BBS9: variants seen among roughly 807,000 people sequenced by gnomAD.
BBS9 encodes the protein protein PTHB1.
BBS9 carries 89 observed loss-of-function variants against 117.7 expected under a neutral mutation model. The ratio of observed to expected loss-of-function variants is 0.76; its 90% confidence interval spans 0.64 to 0.90. The LOEUF (loss-of-function observed/expected upper bound fraction) is 0.90. Ranked by LOEUF, BBS9 falls within the 40% of genes least tolerant of loss-of-function variation. The probability of loss-of-function intolerance (pLI) is 0.00; values close to 1 mark genes in which losing one functional copy is unlikely to be tolerated. For missense variants in BBS9, 982 were observed against 1,042.2 expected (o/e 0.94, Z 0.80); for synonymous variants, 379 against 370.9 (o/e 1.02, Z -0.25).
chr7:33,486,557 C>A (rs76943796), intron 19 of BBS9, among the ~76,000 whole-genome samples: 1 of 152,158 alleles, frequency 6.6e-6, no homozygotes, highest in Non-Finnish European at 1.5e-5. Context: ...CATATTTTTA[C>A]ATATTCAGAG....
chr7:33,177,610 TGA>T lies in BBS9; in HGVS notation c.442+21_442+22del. On this transcript the variant is annotated intron_variant, in intron 5 of 22. Coordinates refer to ENST00000242067, the MANE Select transcript of BBS9 (RefSeq NM_198428.3). ...GTAAAAGGTAATTTGCTTTTAATCA[TGA>T]GTATGCTATTTCAAGTGACAGATTT... 6.8e-7 allele frequency: 1 copy of T among 1,476,178 alleles called. No individual in the cohort carries two copies. The highest frequency in any genetic ancestry group is 9.5e-7 in the Non-Finnish European group (1 of 1,054,662). The allele number at this position is 1,476,178 out of a possible 1,614,324, so 91.4% of individuals were successfully genotyped here. A position where few individuals can be genotyped will look rare whatever the true frequency, so the allele number is the denominator to read the frequency against.
intron 5 of BBS9, among the ~76,000 whole-genome samples, chr7:33,221,210 C>T (rs1012064876): frequency 6.6e-6 from 1 of 152,040 alleles, no homozygotes; most frequent in African/African-American, 2.4e-5. Flanking sequence ...TTATGTAATG[C>T]TTTATTTTAG....
intron 17 of BBS9, among the ~76,000 whole-genome samples, chr7:33,381,976 A>G (rs1401871547): frequency 6.6e-6 from 1 of 152,216 alleles, no homozygotes; most frequent in Non-Finnish European, 1.5e-5. Flanking sequence ...CACAGTTACC[A>G]TGGGGAACAT....
At position 33,604,304 on chromosome 7, in the gene BBS9, T is replaced by C. The variant is rs1864257179; in HGVS notation, c.2522-561T>C. Among the ~76,000 whole-genome samples, 10 of 152,328 alleles carry C rather than the reference T, an allele frequency of 6.6e-5. No homozygotes were observed. In the South Asian group the frequency reaches 2.1e-3, roughly 32 times the overall value. ...TCCTCAAGTCACCTTTGGATTGAAA[T>C]CTTCCACAATGCAGTTCATGACTTT... On this transcript the variant is annotated intron_variant, in intron 21 of 22. Coordinates refer to ENST00000242067, the MANE Select transcript of BBS9 (RefSeq NM_198428.3).
At chr7:33,377,145 T>C (rs1824047488) in intron 17 of BBS9, among the ~76,000 whole-genome samples, 1 of 152,184 alleles carries the variant, frequency 6.6e-6, no homozygotes, top group East Asian at 1.9e-4. Context: ...AATGATATTT[T>C]CTAGGTTGTC....
intron 1 of BBS9, among the ~76,000 whole-genome samples, chr7:33,138,803 C>G (rs573723980): frequency 1.3e-5 from 2 of 150,540 alleles, no homozygotes; most frequent in Non-Finnish European, 2.9e-5. Context: ...TGCCCAGGCT[C>G]GTCTCAAACT....
intron 9 of BBS9, among the ~76,000 whole-genome samples, chr7:33,280,275 C>G (rs76580131): frequency 6.6e-6 from 1 of 152,088 alleles, no homozygotes; most frequent in Non-Finnish European, 1.5e-5. Flanking sequence ...TTCTGTCACC[C>G]GGGTAGTCAG....
intron 21 of BBS9, among the ~76,000 whole-genome samples, chr7:33,623,870 A>G (rs1261345889): frequency 6.6e-6 from 1 of 152,170 alleles, no homozygotes; most frequent in Admixed American, 6.5e-5. Flanking sequence ...AAATTTTTAA[A>G]TTGAGGTTAC....
chr7:33,516,995 T>C (rs1430141617), intron 20 of BBS9, among the ~76,000 whole-genome samples: 2 of 152,220 alleles, frequency 1.3e-5, no homozygotes, highest in Non-Finnish European at 2.9e-5. Flanking sequence ...AATAAAAATC[T>C]AGCTTGTATT....
chr7:33,130,559 C>T (rs1016793520), intron 1 of BBS9, among the ~76,000 whole-genome samples: 5 of 151,980 alleles, frequency 3.3e-5, no homozygotes, highest in Admixed American at 6.6e-5. Flanking sequence ...AAAATGAAAC[C>T]GTATCTTACA....
intron 21 of BBS9, among the ~76,000 whole-genome samples, chr7:33,573,908 C>G (rs1858260086): frequency 6.6e-6 from 1 of 152,052 alleles, no homozygotes; most frequent in Admixed American, 6.6e-5. Flanking sequence ...GCTATTTGCA[C>G]CTAGCTTGGG....
At chr7:33,476,383 A>G (rs1841808307) in intron 19 of BBS9, among the ~76,000 whole-genome samples, 1 of 152,174 alleles carries the variant, frequency 6.6e-6, no homozygotes. Context: ...GGATGCAGGC[A>G]TTTCTCAGGA....
At chr7:33,590,882 T>C (rs1861804202) in intron 21 of BBS9, among the ~76,000 whole-genome samples, 1 of 151,952 alleles carries the variant, frequency 6.6e-6, no homozygotes, top group Non-Finnish European at 1.5e-5. Context: ...CTAATAATCA[T>C]GGAGCTGGGA....
intron 1 of BBS9, among the ~76,000 whole-genome samples, chr7:33,145,256 G>T (rs983056475): frequency 6.6e-6 from 1 of 152,154 alleles, no homozygotes; most frequent in Non-Finnish European, 1.5e-5. Flanking sequence ...TAACATGAAG[G>T]AAAACCTCAT....
chr7:33,444,432 A>G (rs550630684), intron 19 of BBS9, among the ~76,000 whole-genome samples: 1 of 152,180 alleles, frequency 6.6e-6, no homozygotes, highest in African/African-American at 2.4e-5. Flanking sequence ...TGTATTAAGC[A>G]CTTCTGGAGC....
rs773451476 is a variant in BBS9 at position 33,162,361 on chromosome 7, G to A, written c.328+6659G>A. ...TTGTAAAGATCAGATGGTTGTAGAC[G>A]TGTGGTGTTATTGGTTATATGCCAT... On this transcript the variant is annotated intron_variant, in intron 4 of 22. Coordinates refer to ENST00000242067, the MANE Select transcript of BBS9 (RefSeq NM_198428.3). 3.3e-4 allele frequency among the ~76,000 whole-genome samples: 50 copies of A among 151,984 alleles called. 1 individual carries two copies. Among genetic ancestry groups the A allele is most frequent in the South Asian group, 2.1e-4 (1 of 4,820 alleles).
intron 19 of BBS9, among the ~76,000 whole-genome samples, chr7:33,487,301 G>A (rs111877167): frequency 1.6e-3 from 243 of 152,252 alleles, no homozygotes; most frequent in African/African-American, 5.4e-3. Flanking sequence ...CTCTTTCCAT[G>A]TAAATTAGCT....
intron 19 of BBS9, among the ~76,000 whole-genome samples, chr7:33,393,047 C>A (rs1827326816): frequency 6.6e-6 from 1 of 152,002 alleles, no homozygotes; most frequent in South Asian, 2.1e-4. Flanking sequence ...TCACCTGTGG[C>A]CTCAGCTACT....
intron 5 of BBS9, among the ~76,000 whole-genome samples, chr7:33,185,434 T>C (rs778606625): frequency 1.4e-4 from 21 of 152,240 alleles, no homozygotes; most frequent in Admixed American, 8.5e-4. Flanking sequence ...GGTTGAGTTA[T>C]TAAGTCAGAC....
Sources: allele counts gnomAD v4.1 joint callset (sites outside exome capture counted in the v4.1 genomes callset), GRCh38; gene constraint gnomAD v4.1.1; transcripts MANE v1.5; gene names NCBI Gene and HGNC (gene_info 2026-07-23, HGNC 2026-07-21).